The following ZSWIM6 variants were observed in gnomAD, a reference collection of about 807,000 sequenced individuals.
ZSWIM6 encodes the protein zinc finger SWIM domain-containing protein 6.
Under a neutral mutation model 113.2 loss-of-function variants are expected in ZSWIM6, and 9 were observed. The observed-to-expected ratio is 0.08, with a 90% CI of 0.05 to 0.14. The LOEUF is 0.14. Ranked by LOEUF, ZSWIM6 falls within the 10% of genes least tolerant of loss-of-function variation. The pLI, the probability that ZSWIM6 is intolerant of heterozygous loss-of-function variation, is 1.00. For missense variants in ZSWIM6, 1,162 were observed against 1,552.2 expected, an observed-to-expected ratio of 0.75 and a Z score of 4.22; for synonymous variants, 611 against 606.5, an observed-to-expected ratio of 1.01 and a Z score of -0.11.
At chr5:61,390,352 C>A (rs1473827499) in intron 1 of ZSWIM6, among the ~76,000 whole-genome samples, 1 of 152,186 alleles carries the variant, frequency 6.6e-6, no homozygotes, top group East Asian at 1.9e-4. Flanking sequence ...ATGTGACTAG[C>A]ATTGTACTCA....
chr5:61,540,172 T>G (rs545580204), intron 12 of ZSWIM6, among the ~76,000 whole-genome samples: 1 of 152,318 alleles, frequency 6.6e-6, no homozygotes, highest in African/African-American at 2.4e-5. Context: ...TGCATTTTCA[T>G]AATAGATGGG....
chr5:61,455,429 A>G (rs1747184850), intron 1 of ZSWIM6, among the ~76,000 whole-genome samples: 1 of 152,228 alleles, frequency 6.6e-6, no homozygotes, highest in Admixed American at 6.5e-5. Context: ...TGAACTCAGA[A>G]GAAAATCTCC....
At chr5:61,534,396 G>A (rs900959266) in intron 9 of ZSWIM6, among the ~76,000 whole-genome samples, 2 of 152,100 alleles carry the variant, frequency 1.3e-5, no homozygotes, top group African/African-American at 4.8e-5. Context: ...AATATATTGT[G>A]CTCATAACCA....
chr5:61,397,532 G>A (rs1410771927), intron 1 of ZSWIM6, among the ~76,000 whole-genome samples: 1 of 152,112 alleles, frequency 6.6e-6, no homozygotes, highest in African/African-American at 2.4e-5. Context: ...ATCAGTGACA[G>A]CCAAGTAGTT....
intron 1 of ZSWIM6, among the ~76,000 whole-genome samples, chr5:61,411,648 A>G (rs80196146): frequency 0.011 from 1,646 of 152,350 alleles, 13 homozygotes; most frequent in Non-Finnish European, 0.017. Flanking sequence ...CTGGAGGCTA[A>G]GAAGTCCAAG....
At chr5:61,334,972 G>T (rs1744363109) in intron 1 of ZSWIM6, among the ~76,000 whole-genome samples, 1 of 152,058 alleles carries the variant, frequency 6.6e-6, no homozygotes, top group South Asian at 2.1e-4. Flanking sequence ...GAGCGCATAG[G>T]GAGGGTTTCT....
At chr5:61,471,034 AC>A (rs1178091897) in intron 1 of ZSWIM6, among the ~76,000 whole-genome samples, 1 of 152,172 alleles carries the variant, frequency 6.6e-6, no homozygotes, top group Non-Finnish European at 1.5e-5. Flanking sequence ...CTCCATGTGC[AC>A]CACCCGTTCC....
chr5:61,460,597 T>C (rs1460953794), intron 1 of ZSWIM6, among the ~76,000 whole-genome samples: 3 of 152,150 alleles, frequency 2.0e-5, no homozygotes, highest in African/African-American at 7.2e-5. Context: ...TATTTCCAAA[T>C]CCAACTTAAT....
chr5:61,399,868 C>T (rs1745909479), intron 1 of ZSWIM6, among the ~76,000 whole-genome samples: 1 of 152,066 alleles, frequency 6.6e-6, no homozygotes, highest in Admixed American at 6.5e-5. Context: ...GGAAAACTGC[C>T]CTCTGGTCCT....
intron 1 of ZSWIM6, among the ~76,000 whole-genome samples, chr5:61,449,315 A>G (rs139122586): frequency 1.6e-4 from 25 of 152,350 alleles, no homozygotes; most frequent in African/African-American, 6.0e-4. Flanking sequence ...ACTGAAAGGT[A>G]TGTAATGAAG....
At chr5:61,517,021 C>T (rs1748965104) in intron 4 of ZSWIM6, among the ~76,000 whole-genome samples, 1 of 152,046 alleles carries the variant, frequency 6.6e-6, no homozygotes, top group South Asian at 2.1e-4. Context: ...TTATTCAAGT[C>T]ACTATTCTTC....
intron 2 of ZSWIM6, among the ~76,000 whole-genome samples, chr5:61,475,578 C>T (rs1337177388): frequency 6.6e-6 from 1 of 152,140 alleles, no homozygotes; most frequent in Non-Finnish European, 1.5e-5. Flanking sequence ...GCAGTTTATC[C>T]CGCCAGCTTT....
chr5:61,447,045 A>AC (rs1318733165), intron 1 of ZSWIM6, among the ~76,000 whole-genome samples: 1 of 151,994 alleles, frequency 6.6e-6, no homozygotes, highest in Non-Finnish European at 1.5e-5. Flanking sequence ...TAAAGGCCAA[A>AC]CCCCCTCAGA....
intron 1 of ZSWIM6, among the ~76,000 whole-genome samples, chr5:61,346,600 A>C (rs1022704993): frequency 6.6e-6 from 1 of 152,224 alleles, no homozygotes; most frequent in African/African-American, 2.4e-5. Context: ...AGTCATGTAA[A>C]TTGATGTGAG....
intron 1 of ZSWIM6, among the ~76,000 whole-genome samples, chr5:61,384,068 C>T (rs1343814080): frequency 1.3e-4 from 20 of 148,458 alleles, no homozygotes; most frequent in Admixed American, 5.3e-4. Flanking sequence ...GGTGAAACCC[C>T]GTCTCTACTA....
chr5:61,438,353 T>A (rs1746756488), intron 1 of ZSWIM6, among the ~76,000 whole-genome samples: 1 of 152,208 alleles, frequency 6.6e-6, no homozygotes, highest in Non-Finnish European at 1.5e-5. Flanking sequence ...TTCCCCCACC[T>A]CATGACAACC....
At chr5:61,409,185 A>T (rs1383097154) in intron 1 of ZSWIM6, among the ~76,000 whole-genome samples, 8 of 150,600 alleles carry the variant, frequency 5.3e-5, no homozygotes, top group African/African-American at 2.0e-4. Context: ...AAATTGTCCA[A>T]CTTCAAAGGC....
At chr5:61,529,851 C>T (rs567428731) in intron 7 of ZSWIM6, among the ~76,000 whole-genome samples, 11 of 152,222 alleles carry the variant, frequency 7.2e-5, no homozygotes, top group African/African-American at 2.2e-4. Context: ...TACAGATGAA[C>T]CTTTAGAACT....
chr5:61,456,209 A>G (rs1747202662), intron 1 of ZSWIM6, among the ~76,000 whole-genome samples: 2 of 152,194 alleles, frequency 1.3e-5, no homozygotes. Context: ...CTCAAAAAGA[A>G]TATGAATATA....
Sources: allele counts gnomAD v4.1 joint callset (sites outside exome capture counted in the v4.1 genomes callset), GRCh38; gene constraint gnomAD v4.1.1; transcripts MANE v1.5; gene names NCBI Gene and HGNC (gene_info 2026-07-23, HGNC 2026-07-21).